Variants in PRKACB observed in about 807,000 individuals in gnomAD.
PRKACB encodes protein kinase cAMP-activated catalytic subunit beta, also known as cAMP-dependent protein kinase catalytic subunit beta.
PRKACB carries 16 observed loss-of-function variants against 51.4 expected under a neutral mutation model. The ratio of observed to expected loss-of-function variants is 0.31; its 90% confidence interval spans 0.21 to 0.47. The LOEUF is 0.47. PRKACB is among the 20% of genes least tolerant of loss of function. The pLI is 1.00. For synonymous variants in PRKACB, 147 were observed against 154.4 expected (o/e 0.95, Z 0.35); for missense variants, 309 against 464.5 (o/e 0.67, Z 3.08).
At chr1:84,088,990 G>T (rs1372031981) in intron 1 of PRKACB, among the ~76,000 whole-genome samples, 1 of 152,178 alleles carries the variant, frequency 6.6e-6, no homozygotes, top group Non-Finnish European at 1.5e-5. Context: ...GACTGAAATG[G>T]AAACTTCCTT....
chr1:84,229,114 A>T (rs1675151244), intron 9 of PRKACB, among the ~76,000 whole-genome samples: 1 of 135,534 alleles, frequency 7.4e-6, no homozygotes, highest in African/African-American at 2.9e-5. Context: ...CCAGAGTATG[A>T]TGTTCCCCTT....
intron 9 of PRKACB, among the ~76,000 whole-genome samples, chr1:84,223,398 T>C (rs1674065335): frequency 6.8e-6 from 1 of 147,290 alleles, no homozygotes; most frequent in South Asian, 2.2e-4. Flanking sequence ...AAATGGTGTC[T>C]CGCTCTGTCG....
intron 1 of PRKACB, among the ~76,000 whole-genome samples, chr1:84,089,587 A>G (rs1483615125): frequency 6.6e-6 from 1 of 152,146 alleles, no homozygotes; most frequent in Non-Finnish European, 1.5e-5. Flanking sequence ...CATCTGGCCC[A>G]CAATGTTTCT....
At chr1:84,170,061 A>C (rs536133480) in intron 1 of PRKACB, among the ~76,000 whole-genome samples, 101 of 151,796 alleles carry the variant, frequency 6.7e-4, no homozygotes, top group African/African-American at 2.3e-3. Context: ...AGTGAATTCT[A>C]ATTTAATTAA....
chr1:84,078,989 A>T (rs1338573932), intron 1 of PRKACB, among the ~76,000 whole-genome samples: 1 of 152,202 alleles, frequency 6.6e-6, no homozygotes, highest in South Asian at 2.1e-4. Context: ...ACATTCAAGG[A>T]TCTGCTACCA....
At chr1:84,128,336 G>T (rs375706693) in intron 1 of PRKACB, among the ~76,000 whole-genome samples, 7 of 152,018 alleles carry the variant, frequency 4.6e-5, no homozygotes, top group African/African-American at 1.7e-4. Flanking sequence ...CAGCTTTCAT[G>T]TTGAAGAACA....
intron 1 of PRKACB, among the ~76,000 whole-genome samples, chr1:84,146,908 G>A (rs1277209892): frequency 2.6e-5 from 4 of 151,946 alleles, no homozygotes; most frequent in Non-Finnish European, 5.9e-5. Flanking sequence ...AAATAAATAT[G>A]TAACAGCTAA....
chr1:84,222,202 A>C (rs1001223956), intron 9 of PRKACB, among the ~76,000 whole-genome samples: 1 of 151,832 alleles, frequency 6.6e-6, no homozygotes, highest in Admixed American at 6.6e-5. Context: ...TACTGTTTTG[A>C]CTTAAAGTTT....
intron 1 of PRKACB, chr1:84,157,368 C>T (rs1376508999): frequency 1.3e-5 from 2 of 152,058 alleles, no homozygotes; most frequent in African/African-American, 2.4e-5. Context: ...GTTTCCTCCT[C>T]GGTAGAGAAG....
At chr1:84,199,396 A>G (rs1478631887) in intron 7 of PRKACB, among the ~76,000 whole-genome samples, 1 of 152,016 alleles carries the variant, frequency 6.6e-6, no homozygotes, top group African/African-American at 2.4e-5. Flanking sequence ...AAGTGAAAAC[A>G]TGTGGTATTT....
At chr1:84,143,217 G>A (rs373649580), upstream of PRKACB, among the ~76,000 whole-genome samples, 41 of 152,246 alleles carry the variant, frequency 2.7e-4, no homozygotes, top group South Asian at 6.6e-3. Flanking sequence ...AGGCCAAGGC[G>A]GGCGTATCGC....
In PRKACB at chr1:84,148,660, A is replaced by G. The variant is rs146631131; in HGVS notation, c.187+4112A>G. Among the ~76,000 whole-genome samples the G allele has an allele frequency of 3.1e-3, 476 of 152,308 alleles. 5 individuals carry two copies. The highest frequency in any genetic ancestry group is 0.011 in the African/African-American group (455 of 41,574). Reference sequence around the variant, plus strand: ...ATGGCCATTAACCAAAAGCAGTCAAATGCTGACCTGGCTCTAGTAAATACC... The same window carrying G: ...ATGGCCATTAACCAAAAGCAGTCAAGTGCTGACCTGGCTCTAGTAAATACC... On this transcript the variant is annotated intron_variant, in intron 1 of 9. Coordinates refer to ENST00000370685, the MANE Select transcript of PRKACB (RefSeq NM_182948.4).
intron 9 of PRKACB, among the ~76,000 whole-genome samples, chr1:84,230,915 C>G (rs1393735596): frequency 7.0e-6 from 1 of 142,658 alleles, no homozygotes; most frequent in Non-Finnish European, 1.5e-5. Flanking sequence ...ATTGAATACC[C>G]TTTATTTCCT....
intron 1 of PRKACB, among the ~76,000 whole-genome samples, chr1:84,170,989 G>C (rs1045480070): frequency 1.3e-5 from 2 of 151,206 alleles, no homozygotes; most frequent in Admixed American, 6.6e-5. Flanking sequence ...TGATATACAG[G>C]CTACAGTATA....
intron 1 of PRKACB, among the ~76,000 whole-genome samples, chr1:84,121,023 T>TG (rs1651021235): frequency 6.6e-6 from 1 of 152,110 alleles, no homozygotes; most frequent in Admixed American, 6.6e-5. Flanking sequence ...TTAATGTTCT[T>TG]GTACTAGCTA....
At chr1:84,149,003 A>G (rs1019235215) in intron 1 of PRKACB, among the ~76,000 whole-genome samples, 2 of 152,172 alleles carry the variant, frequency 1.3e-5, no homozygotes, top group East Asian at 1.9e-4. Context: ...GGTCCCACCT[A>G]GACCTACTTA....
At chr1:84,198,077 G>A (rs992400684) in intron 7 of PRKACB, among the ~76,000 whole-genome samples, 2 of 151,900 alleles carry the variant, frequency 1.3e-5, no homozygotes, top group African/African-American at 4.8e-5. Flanking sequence ...TCCATGTTTT[G>A]CAACCAAAAA....
intron 1 of PRKACB, among the ~76,000 whole-genome samples, chr1:84,134,723 A>G (rs1022281729): frequency 7.2e-5 from 11 of 152,244 alleles, no homozygotes; most frequent in Non-Finnish European, 1.6e-4. Context: ...AACAAGGTGG[A>G]ATATAACTAT....
chr1:84,111,513 C>T (rs1164964783), intron 1 of PRKACB, among the ~76,000 whole-genome samples: 3 of 151,866 alleles, frequency 2.0e-5, no homozygotes, highest in African/African-American at 7.3e-5. Flanking sequence ...GTACATAATC[C>T]TTCCATTATT....
Sources: allele counts gnomAD v4.1 joint callset (sites outside exome capture counted in the v4.1 genomes callset), GRCh38; gene constraint gnomAD v4.1.1; transcripts MANE v1.5; gene names NCBI Gene and HGNC (gene_info 2026-07-23, HGNC 2026-07-21).